The following CTNNAL1 variants were observed in gnomAD, a reference collection of about 807,000 sequenced individuals.
CTNNAL1 encodes the protein catenin alpha like 1.
CTNNAL1 carries 69 observed loss-of-function variants against 93.6 expected under a neutral mutation model. That is an observed-to-expected ratio of 0.74 (90% CI 0.61 to 0.90). CTNNAL1 has a LOEUF of 0.90. Among genes scored for constraint, CTNNAL1 ranks in the 40% least tolerant of loss-of-function variants. The probability of loss-of-function intolerance (pLI) is 0.00; values close to 1 mark genes in which losing one functional copy is unlikely to be tolerated. For missense variants in CTNNAL1, 836 were observed against 862.0 expected (o/e 0.97, Z 0.38); for synonymous variants, 286 against 305.4 (o/e 0.94, Z 0.66).
intron 6 of CTNNAL1, 90 bp from the exon 7 acceptor site, chr9:108,979,571 AACACTAG>A: frequency 8.4e-7 from 1 of 1,190,098 alleles, no homozygotes; most frequent in South Asian, 1.4e-5. Flanking sequence ...TGCCCAGGAA[AACACTAG>A]CATTTCCTTT....
intron 4 of CTNNAL1, among the ~76,000 whole-genome samples, chr9:108,990,428 G>C (rs1239957383): frequency 3.9e-5 from 6 of 152,154 alleles, no homozygotes; most frequent in Admixed American, 2.6e-4. Flanking sequence ...CAAATGGAAA[G>C]CTTCATAAAA....
intron 6 of CTNNAL1, among the ~76,000 whole-genome samples, chr9:108,980,018 T>C (rs1326556393): frequency 6.6e-6 from 1 of 152,200 alleles, no homozygotes; most frequent in Non-Finnish European, 1.5e-5. Flanking sequence ...CAACAGCACC[T>C]TACTGACCCA....
intron 9 of CTNNAL1, 44 bp downstream of exon 9, chr9:108,972,631 A>T: frequency 1.4e-6 from 2 of 1,479,564 alleles, no homozygotes; most frequent in Non-Finnish European, 1.9e-6. Flanking sequence ...AGTTTAATAA[A>T]GCCATTATTA....
chr9:108,972,883 G>A lies in CTNNAL1; in HGVS notation c.1189-50C>T, dbSNP rs73526161. 4,470 of 1,461,910 alleles carry A rather than the reference G, an allele frequency of 3.1e-3. 191 individuals carry two copies. In the African/African-American group the frequency reaches 0.064, roughly 21 times the overall value. The allele number at this position is 1,461,910 out of a possible 1,614,324, so 90.6% of individuals were successfully genotyped here. A position where few individuals can be genotyped will look rare whatever the true frequency, so the allele number is the denominator to read the frequency against. ...GGGTGGGAGGGTGGAGAAGGAGAAG[G>A]GTGATGAAGGAAAGAAAACAAACAA... On this transcript the variant is annotated intron_variant, in intron 8 of 18. Transcript: ENST00000325551.
At chr9:108,982,964 G>C (rs1831480467) in intron 6 of CTNNAL1, among the ~76,000 whole-genome samples, 181 bp downstream of exon 6, 1 of 152,078 alleles carries the variant, frequency 6.6e-6, no homozygotes, top group African/African-American at 2.4e-5. Flanking sequence ...TGTAGTACCA[G>C]CTACTTGGGA....
At chr9:108,952,167 T>C in intron 14 of CTNNAL1, 42 bp downstream of exon 14, 2 of 1,534,350 alleles carry the variant, frequency 1.3e-6, no homozygotes. Flanking sequence ...ACACCAGATA[T>C]CATTATACTG....
rs747559556 is a variant in CTNNAL1 at position 108,999,049 on chromosome 9, A to G, written c.331+18T>C. On this transcript the variant is annotated intron_variant, in intron 2 of 18. Coordinates refer to ENST00000325551, the MANE Select transcript of CTNNAL1 (RefSeq NM_003798.4). Reference sequence around the variant, plus strand: ...ATAAAAGTGGTATGAATAGTCTTCAAAATCAATATCCACCTACCTGCTTGT... The same window carrying G: ...ATAAAAGTGGTATGAATAGTCTTCAGAATCAATATCCACCTACCTGCTTGT... The G allele has an allele frequency of 6.3e-7, 1 of 1,586,466 alleles. No individual in the cohort carries two copies. Among genetic ancestry groups the G allele is most frequent in the Non-Finnish European group, 8.6e-7 (1 of 1,168,890 alleles).
intron 8 of CTNNAL1, 31 bp from the exon 9 acceptor site, chr9:108,972,864 G>GGGGGCCCCCCCCCCCCCCC: frequency 1.4e-5 from 2 of 142,540 alleles, no homozygotes; most frequent in Non-Finnish European, 2.0e-5. Context: ...GGGGGGGTGG[G>GGGGGCCCCCCCCCCCCCCC]AGGGTGGAGA....
At chr9:108,958,808 C>T (rs2132107696) in intron 11 of CTNNAL1, among the ~76,000 whole-genome samples, 1 of 152,072 alleles carries the variant, frequency 6.6e-6, no homozygotes, top group African/African-American at 2.4e-5. Context: ...TCACTGCAAC[C>T]TCCACCTCCT....
At chr9:108,972,864 G>GGGGGGGCCCCCCCC in intron 8 of CTNNAL1, 31 bp from the exon 9 acceptor site, 170 of 141,236 alleles carry the variant, frequency 1.2e-3, no homozygotes, top group Non-Finnish European at 1.6e-3. Context: ...GGGGGGGTGG[G>GGGGGGGCCCCCCCC]AGGGTGGAGA....
chr9:108,946,263 C>T (rs545616694), intron 15 of CTNNAL1, among the ~76,000 whole-genome samples: 15 of 149,438 alleles, frequency 1.0e-4, no homozygotes, highest in African/African-American at 3.7e-4. Context: ...CGTGCCACTG[C>T]ACTCCAGCCT....
intron 3 of CTNNAL1, among the ~76,000 whole-genome samples, chr9:108,991,692 A>G (rs1342814926): frequency 6.6e-6 from 1 of 152,114 alleles, no homozygotes; most frequent in Non-Finnish European, 1.5e-5. Flanking sequence ...CCATCTTTCA[A>G]AGAGGGGAAG....
At chr9:109,000,563 T>C (rs1241667917) in intron 1 of CTNNAL1, among the ~76,000 whole-genome samples, 3 of 152,154 alleles carry the variant, frequency 2.0e-5, no homozygotes, top group Non-Finnish European at 4.4e-5. Flanking sequence ...TGATATAAAG[T>C]ATCTGTGTAG....
intron 6 of CTNNAL1, among the ~76,000 whole-genome samples, chr9:108,981,823 G>A (rs763682208): frequency 1.3e-5 from 2 of 152,204 alleles, no homozygotes; most frequent in Admixed American, 6.5e-5. Flanking sequence ...TACTCAGGAG[G>A]CTGAGGCAGG....
Position 108,959,210 on chromosome 9 carries a change from A to T in CTNNAL1, c.1592-3383T>A, listed in dbSNP as rs574381919. On this transcript the variant is annotated intron_variant, in intron 11 of 18. Coordinates refer to ENST00000325551, the MANE Select transcript of CTNNAL1 (RefSeq NM_003798.4). ...CTGTCTCTACTAAAAATACAAAAAA[A>T]AAAAATTAGCCGGGTGTGGTGGTGG... Among the ~76,000 whole-genome samples the T allele has an allele frequency of 8.0e-3, 1,212 of 151,300 alleles. 12 individuals are homozygous for T. The highest frequency in any genetic ancestry group is 0.013 in the Non-Finnish European group (864 of 67,764).
rs1259587395 is a variant in CTNNAL1 at position 108,992,625 on chromosome 9, TA to T, written c.519+6del. On this transcript the variant is annotated splice_donor_region_variant and intron_variant, in intron 3 of 18. Transcript: ENST00000325551. ...CAAAAATACAGCAACATCAGAAAGG[TA>T]AGTACCTTATTTCTTGATGTTATTA... The T allele has an allele frequency of 5.0e-6, 8 of 1,603,468 alleles. No homozygotes were observed. In the South Asian group the frequency reaches 6.7e-5, roughly 14 times the overall value.
chr9:109,002,418 C>T (rs533473112), intron 1 of CTNNAL1, among the ~76,000 whole-genome samples: 81 of 152,152 alleles, frequency 5.3e-4, no homozygotes, highest in African/African-American at 1.7e-3. Flanking sequence ...GCAGAAGCGA[C>T]GGGTAAAAGC....
chr9:108,953,152 G>T (rs919239147), intron 12 of CTNNAL1, among the ~76,000 whole-genome samples: 7 of 152,102 alleles, frequency 4.6e-5, no homozygotes, highest in African/African-American at 2.4e-5. Flanking sequence ...AAACTATCTG[G>T]AACTCAGAGT....
intron 1 of CTNNAL1, among the ~76,000 whole-genome samples, chr9:109,007,631 C>T (rs954024626): frequency 2.6e-5 from 4 of 152,124 alleles, no homozygotes; most frequent in South Asian, 2.1e-4. Flanking sequence ...ATAAAATATG[C>T]TTGGTTCTTA....
Sources: gnomAD v4.1 joint callset for allele counts (sites outside exome capture counted in the v4.1 genomes callset) on GRCh38, gnomAD v4.1.1 for gene constraint, MANE v1.5 for transcripts, NCBI Gene and HGNC (gene_info 2026-07-23, HGNC 2026-07-21) for gene names.